TPBGL: variants seen among roughly 807,000 people sequenced by gnomAD.
The protein encoded by TPBGL is trophoblast glycoprotein-like.
For missense variants in TPBGL, 685 were observed against 609.4 expected, an observed-to-expected ratio of 1.12 and a Z score of -1.31; for synonymous variants, 380 against 314.8, an observed-to-expected ratio of 1.21 and a Z score of -2.19.
At position 75,242,130 on chromosome 11, in the gene TPBGL, C is replaced by G; in HGVS notation, c.1081C>G (p.Pro361Ala). The G allele has an allele frequency of 8.1e-7, 1 of 1,237,850 alleles. No homozygotes were observed. Among genetic ancestry groups the G allele is most frequent in the South Asian group, 3.2e-5 (1 of 31,256 alleles). The allele number at this position is 1,237,850 out of a possible 1,614,324, so 76.7% of individuals were successfully genotyped here. A position where few individuals can be genotyped will look rare whatever the true frequency, so the allele number is the denominator to read the frequency against. ...CTACCGCTACGAGCAGGACGCCGAC[C>G]CGCGCCGCGCGCCCGCGCCCGCCGC... ...YHYRYEQDADPRRAPAPAAPA... is the reference protein window; with the variant it reads ...YHYRYEQDADARRAPAPAAPA... The change falls in exon 1 of 1, where the codon CCG (proline) becomes GCG (alanine). Residue 361 changes from proline to alanine, a missense_variant. Pro to Ala is a conservative substitution (Grantham distance 27, BLOSUM62 -1). Transcript: ENST00000562197.
Position 75,243,168 on chromosome 11 carries a change from A to G in TPBGL, c.*970A>G, listed in dbSNP as rs904649035. 2 of 152,310 alleles carry G rather than the reference A, an allele frequency of 1.3e-5. No homozygotes were observed. Among genetic ancestry groups the G allele is most frequent in the Non-Finnish European group, 2.9e-5 (2 of 68,126 alleles). The allele number at this position is 152,310 out of a possible 1,614,324, so 9.4% of individuals were successfully genotyped here. Reference sequence around the variant, plus strand: ...GTCCTGCCGGATAGGTGCAGGTGCCATGCACCCCTAGTGCATACTGGCAGA... The same window carrying G: ...GTCCTGCCGGATAGGTGCAGGTGCCGTGCACCCCTAGTGCATACTGGCAGA... On this transcript the variant is annotated 3_prime_UTR_variant, in exon 1 of 1. Transcript: ENST00000562197.
In TPBGL at chr11:75,242,332, G is replaced by A. The variant is rs1945608437; in HGVS notation, c.*134G>A. The A allele has an allele frequency of 2.0e-6, 2 of 1,013,122 alleles. No individual in the cohort carries two copies. Among genetic ancestry groups the A allele is most frequent in the East Asian group, 1.8e-4 (2 of 10,886 alleles). The allele number at this position is 1,013,122 out of a possible 1,614,324, so 62.8% of individuals were successfully genotyped here. A position where few individuals can be genotyped will look rare whatever the true frequency, so the allele number is the denominator to read the frequency against. On this transcript the variant is annotated 3_prime_UTR_variant, in exon 1 of 1. Coordinates refer to ENST00000562197, the MANE Select transcript of TPBGL (RefSeq NM_001195528.2). ...CGTACCCTCTCGTTCCCGCCTCCGA[G>A]AGCTCCCACCGTCAAAGACCCAGAG...
chr11:75,241,820 C>G lies in TPBGL; in HGVS notation c.771C>G (p.Pro257=). Residue 257 remains proline (P), a synonymous_variant, in exon 1 of 1, where the codon CCC becomes CCG. Coordinates refer to ENST00000562197, the MANE Select transcript of TPBGL (RefSeq NM_001195528.2). ...TGCGCAACGCCACGGAGCGCGTGCC[C>G]GACTCGCGGCGCCTGCGCTGCGCCG... The part of the protein sequence containing the change: ...AWLRNATERV[P]DSRRLRCAAP... 1 of 1,287,418 alleles carries G rather than the reference C, an allele frequency of 7.8e-7. No homozygotes were observed. Among genetic ancestry groups the G allele is most frequent in the South Asian group, 2.3e-5 (1 of 44,012 alleles). 79.7% of individuals were successfully genotyped at this position (1,287,418 alleles called of 1,614,324 possible).
Position 75,243,444 on chromosome 11 carries a change from C to CT in TPBGL, c.*1247dup, listed in dbSNP as rs1469660556. ...CCTCCTGCCTCAGGCACAAGCCCTCCTGGTTCAGGGTCAGAAGCTCAGCAC... is the reference window on the plus strand; with the variant it reads ...CCTCCTGCCTCAGGCACAAGCCCTCCTTGGTTCAGGGTCAGAAGCTCAGCAC... On this transcript the variant is annotated 3_prime_UTR_variant, in exon 1 of 1. Coordinates refer to ENST00000562197, the MANE Select transcript of TPBGL (RefSeq NM_001195528.2). 6.6e-6 allele frequency: 1 copy of CT among 152,338 alleles called. No homozygotes were observed. Among genetic ancestry groups the CT allele is most frequent in the Non-Finnish European group, 1.5e-5 (1 of 68,114 alleles). The allele number at this position is 152,338 out of a possible 1,614,324, so 9.4% of individuals were successfully genotyped here. A position where few individuals can be genotyped will look rare whatever the true frequency, so the allele number is the denominator to read the frequency against.
chr11:75,242,071 G>A lies in TPBGL; in HGVS notation c.1022G>A (p.Arg341His). The change falls in exon 1 of 1, where the codon CGC (arginine) becomes CAC (histidine). Residue 341 changes from arginine (R) to histidine (H), a missense_variant. Transcript: ENST00000562197. ...ATCCAGCGCTGGATGCGCAACCTGC[G>A]CGAGGCGTGCCGGGACCAGATGGAG... ...RGIQRWMRNL[R>H]EACRDQMEGY... is the part of the protein sequence containing the mutation. 4.9e-6 allele frequency: 7 copies of A among 1,442,846 alleles called. No homozygotes were observed. The highest frequency in any genetic ancestry group is 6.4e-6 in the Non-Finnish European group (7 of 1,095,140). The allele number at this position is 1,442,846 out of a possible 1,614,324, so 89.4% of individuals were successfully genotyped here.
chr11:75,241,513 GCGGCGGCCC>G lies in TPBGL; in HGVS notation c.467_475del (p.Gly156_Pro158del), dbSNP rs1304006673. 3.3e-6 allele frequency: 4 copies of G among 1,214,212 alleles called. No homozygotes were observed. Among genetic ancestry groups the G allele is most frequent in the Non-Finnish European group, 4.1e-6 (4 of 978,934 alleles). 75.2% of individuals were successfully genotyped at this position (1,214,212 alleles called of 1,614,324 possible). On this transcript the variant is annotated inframe_deletion, in exon 1 of 1. Transcript: ENST00000562197. ...CTGCAGCTCAACCACGCGCTGGTGC[GCGGCGGCCC>G]CGCGCTGCTGGCCGCGCTGGACGCT...
Position 75,241,370 on chromosome 11 carries a change from G to A in TPBGL, c.321G>A (p.Glu107=). The A allele has an allele frequency of 1.5e-6, 2 of 1,376,150 alleles. No individual in the cohort carries two copies. The highest frequency in any genetic ancestry group is 1.9e-6 in the Non-Finnish European group (2 of 1,065,946). The allele number at this position is 1,376,150 out of a possible 1,614,324, so 85.2% of individuals were successfully genotyped here. Residue 107 remains glutamate (E), a synonymous_variant, in exon 1 of 1, where the codon GAG becomes GAA. Transcript: ENST00000562197. ...TGCGCCTCACGCACAACCACATCGA[G>A]GTGGTGGAGGACGGCGCCTTCGACG... ...SALRLTHNHI[E]VVEDGAFDGL...
In TPBGL at chr11:75,241,990, TG is replaced by T; in HGVS notation, c.942del (p.Leu315TrpfsTer14). 1 of 1,500,660 alleles carries T rather than the reference TG, an allele frequency of 6.7e-7. No homozygotes were observed. Among genetic ancestry groups the T allele is most frequent in the South Asian group, 1.2e-5 (1 of 81,506 alleles). 93.0% of individuals were successfully genotyped at this position (1,500,660 alleles called of 1,614,324 possible). A position where few individuals can be genotyped will look rare whatever the true frequency, so the allele number is the denominator to read the frequency against. ...LEASYVFFGL[V>X]LALIGLIFLM... is the part of the protein sequence containing the mutation. ...GCCTCCTACGTGTTCTTCGGGCTGG[TG>T]CTGGCACTCATCGGCCTCATCTTCC... On this transcript the variant is annotated frameshift_variant, in exon 1 of 1. Transcript: ENST00000562197. LOFTEE classifies it low-confidence loss of function (END_TRUNC).
In TPBGL at chr11:75,241,435, C is replaced by T; in HGVS notation, c.386C>T (p.Pro129Leu). 1.5e-6 allele frequency: 2 copies of T among 1,300,872 alleles called. No individual in the cohort carries two copies. Among genetic ancestry groups the T allele is most frequent in the South Asian group, 4.2e-5 (2 of 47,760 alleles). The allele number at this position is 1,300,872 out of a possible 1,614,324, so 80.6% of individuals were successfully genotyped here. The change falls in exon 1 of 1, where the codon CCG becomes CTG. Residue 129 changes from proline (P) to leucine (L), a missense_variant. Physicochemically the swap from Pro to Leu is moderately conservative, Grantham distance 98 (BLOSUM62 -3). Transcript: ENST00000562197. ...GCGGCGCTCGACCTCAGCCACAACC[C>T]GCTGCGCGCCCTGGGCGGCGGCGCC... ...SLAALDLSHN[P>L]LRALGGGAFR...
At position 75,243,342 on chromosome 11, in the gene TPBGL, C is replaced by G. The variant is rs1308500443; in HGVS notation, c.*1144C>G. ...TCTCTCCCACCCCTGTGGCTCTTCG[C>G]CCTTGGGGATTCCTTGCCACCACCG... On this transcript the variant is annotated 3_prime_UTR_variant, in exon 1 of 1. Coordinates refer to ENST00000562197, the MANE Select transcript of TPBGL (RefSeq NM_001195528.2). 3.3e-5 allele frequency: 5 copies of G among 152,350 alleles called. No individual in the cohort carries two copies. Among genetic ancestry groups the G allele is most frequent in the African/African-American group, 1.2e-4 (5 of 41,414 alleles). 9.4% of individuals were successfully genotyped at this position (152,350 alleles called of 1,614,324 possible).
In TPBGL at chr11:75,242,936, C is replaced by T. The variant is rs1483355511; in HGVS notation, c.*738C>T. Reference sequence around the variant, plus strand: ...CCACCAGGGCGCTGACCTCCCGATACTCAGTGCTGGTCCCCAGTCTCAGAC... The same window carrying T: ...CCACCAGGGCGCTGACCTCCCGATATTCAGTGCTGGTCCCCAGTCTCAGAC... On this transcript the variant is annotated 3_prime_UTR_variant, in exon 1 of 1. Coordinates refer to ENST00000562197, the MANE Select transcript of TPBGL (RefSeq NM_001195528.2). 1 of 152,512 alleles carries T rather than the reference C, an allele frequency of 6.6e-6. No homozygotes were observed. Among genetic ancestry groups the T allele is most frequent in the Non-Finnish European group, 1.5e-5 (1 of 68,344 alleles). The allele number at this position is 152,512 out of a possible 1,614,324, so 9.4% of individuals were successfully genotyped here.
Position 75,241,502 on chromosome 11 carries a change from C to G in TPBGL, c.453C>G (p.His151Gln). 1 of 1,222,476 alleles carries G rather than the reference C, an allele frequency of 8.2e-7. No homozygotes were observed. The highest frequency in any genetic ancestry group is 1.0e-6 in the Non-Finnish European group (1 of 983,674). 75.7% of individuals were successfully genotyped at this position (1,222,476 alleles called of 1,614,324 possible). The change falls in exon 1 of 1, where the codon CAC becomes CAG. Residue 151 changes from histidine to glutamine, a missense_variant. By Grantham distance (24) the His-to-Gln change is conservative. Coordinates refer to ENST00000562197, the MANE Select transcript of TPBGL (RefSeq NM_001195528.2). ...CGCTGCGCTCGCTGCAGCTCAACCACGCGCTGGTGCGCGGCGGCCCCGCGC... is the reference window on the plus strand; with the variant it reads ...CGCTGCGCTCGCTGCAGCTCAACCAGGCGCTGGTGCGCGGCGGCCCCGCGC... ...LPALRSLQLN[H>Q]ALVRGGPALL...
At position 75,241,588 on chromosome 11, in the gene TPBGL, C is replaced by T. The variant is rs1945599273; in HGVS notation, c.539C>T (p.Ala180Val). The change falls in exon 1 of 1, where the codon GCG (alanine) becomes GTG (valine). Residue 180 changes from alanine (A) to valine (V), a missense_variant. Ala to Val is a moderately conservative substitution (Grantham distance 64, BLOSUM62 0). Coordinates refer to ENST00000562197, the MANE Select transcript of TPBGL (RefSeq NM_001195528.2). ...PLAELRLLGLAGNALSRLPPA... is the reference protein window; with the variant it reads ...PLAELRLLGLVGNALSRLPPA... The stretch of plus-strand genomic sequence containing the variant: ...GCCGAGCTTCGCCTGCTGGGCCTAG[C>T]GGGCAACGCGCTGAGCCGTCTGCCG... The T allele has an allele frequency of 2.3e-6, 3 of 1,320,190 alleles. No individual in the cohort carries two copies. Among genetic ancestry groups the T allele is most frequent in the South Asian group, 1.6e-5 (1 of 64,178 alleles). 81.8% of individuals were successfully genotyped at this position (1,320,190 alleles called of 1,614,324 possible). A position where few individuals can be genotyped will look rare whatever the true frequency, so the allele number is the denominator to read the frequency against.
At position 75,241,380 on chromosome 11, in the gene TPBGL, G is replaced by A. The variant is rs899071454; in HGVS notation, c.331G>A (p.Asp111Asn). 14 of 1,373,964 alleles carry A rather than the reference G, an allele frequency of 1.0e-5. No homozygotes were observed. Among genetic ancestry groups the A allele is most frequent in the Non-Finnish European group, 1.0e-5 (11 of 1,064,486 alleles). 85.1% of individuals were successfully genotyped at this position (1,373,964 alleles called of 1,614,324 possible). ...LTHNHIEVVEDGAFDGLPSLA... is the reference protein window; with the variant it reads ...LTHNHIEVVENGAFDGLPSLA... ...GCACAACCACATCGAGGTGGTGGAGGACGGCGCCTTCGACGGGCTGCCCAG... is the reference window on the plus strand; with the variant it reads ...GCACAACCACATCGAGGTGGTGGAGAACGGCGCCTTCGACGGGCTGCCCAG... Residue 111 changes from aspartate (D) to asparagine (N), a missense_variant, in exon 1 of 1, where the codon GAC becomes AAC. By Grantham distance (23) the Asp-to-Asn change is conservative (BLOSUM62 1). Transcript: ENST00000562197.
rs555128068 is a variant in TPBGL at position 75,242,233 on chromosome 11, G to A, written c.*35G>A. On this transcript the variant is annotated 3_prime_UTR_variant, in exon 1 of 1. Coordinates refer to ENST00000562197, the MANE Select transcript of TPBGL (RefSeq NM_001195528.2). ...CCGGGCTCGGGGCTTCCCTTGCCTG[G>A]CCCGAAGCCGTGGAGATGAGACACC... is the stretch of plus-strand genomic sequence containing the variant. 3 of 1,084,830 alleles carry A rather than the reference G, an allele frequency of 2.8e-6. No homozygotes were observed. The African/African-American group carries it at 5.0e-5, about 18-fold the overall frequency. The allele number at this position is 1,084,830 out of a possible 1,614,324, so 67.2% of individuals were successfully genotyped here.
At position 75,241,074 on chromosome 11, in the gene TPBGL, G is replaced by A; in HGVS notation, c.25G>A (p.Gly9Arg). The A allele has an allele frequency of 7.7e-7, 1 of 1,296,582 alleles. No individual in the cohort carries two copies. The highest frequency in any genetic ancestry group is 9.8e-7 in the Non-Finnish European group (1 of 1,024,736). The allele number at this position is 1,296,582 out of a possible 1,614,324, so 80.3% of individuals were successfully genotyped here. A position where few individuals can be genotyped will look rare whatever the true frequency, so the allele number is the denominator to read the frequency against. The change falls in exon 1 of 1, where the codon GGG becomes AGG. Residue 9 changes from glycine (G) to arginine (R), a missense_variant. Physicochemically the swap from Gly to Arg is moderately radical, Grantham distance 125. Coordinates refer to ENST00000562197, the MANE Select transcript of TPBGL (RefSeq NM_001195528.2). ...GATGGCCCCGCGCGCGGGACAGCCGGGGCTCCAGGGGCTGCTGCTCGTGGC... is the reference window on the plus strand; with the variant it reads ...GATGGCCCCGCGCGCGGGACAGCCGAGGCTCCAGGGGCTGCTGCTCGTGGC... MAPRAGQPGLQGLLLVAAA... is the reference protein window; with the variant it reads MAPRAGQPRLQGLLLVAAA...
In TPBGL at chr11:75,241,156, G is replaced by A; in HGVS notation, c.107G>A (p.Gly36Asp). 2.1e-6 allele frequency: 3 copies of A among 1,451,124 alleles called. No individual in the cohort carries two copies. Among genetic ancestry groups the A allele is most frequent in the Non-Finnish European group, 1.8e-6 (2 of 1,104,182 alleles). 89.9% of individuals were successfully genotyped at this position (1,451,124 alleles called of 1,614,324 possible). ...PCPFQCYCFG[G>D]PKLLLRCASG... ...CCCTTCCAGTGCTACTGCTTCGGCG[G>A]CCCCAAGCTGCTGCTGCGCTGCGCG... Residue 36 changes from glycine (G) to aspartate (D), a missense_variant, in exon 1 of 1, where the codon GGC (glycine) becomes GAC (aspartate). Coordinates refer to ENST00000562197, the MANE Select transcript of TPBGL (RefSeq NM_001195528.2).
In TPBGL at chr11:75,241,880, C is replaced by A. The variant is rs970998264; in HGVS notation, c.831C>A (p.Asp277Glu). Residue 277 changes from aspartate to glutamate, a missense_variant, in exon 1 of 1, where the codon GAC (aspartate) becomes GAA (glutamate). Physicochemically the swap from Asp to Glu is conservative, Grantham distance 45 (BLOSUM62 2). Coordinates refer to ENST00000562197, the MANE Select transcript of TPBGL (RefSeq NM_001195528.2). ...PRALLDRPLL[D>E]LDGARLRCAD... is the part of the protein sequence containing the mutation. ...CGCTGCTAGACCGGCCGCTACTGGA[C>A]CTGGACGGGGCGCGGCTTCGCTGCG... The A allele has an allele frequency of 6.9e-7, 1 of 1,452,706 alleles. No homozygotes were observed. Among genetic ancestry groups the A allele is most frequent in the Non-Finnish European group, 9.1e-7 (1 of 1,104,004 alleles). The allele number at this position is 1,452,706 out of a possible 1,614,324, so 90.0% of individuals were successfully genotyped here.
chr11:75,242,325 C>T lies in TPBGL; in HGVS notation c.*127C>T. On this transcript the variant is annotated 3_prime_UTR_variant, in exon 1 of 1. Transcript: ENST00000562197. ...GCTAAGCCGTACCCTCTCGTTCCCG[C>T]CTCCGAGAGCTCCCACCGTCAAAGA... 2.0e-6 allele frequency: 2 copies of T among 1,012,470 alleles called. No individual in the cohort carries two copies. The highest frequency in any genetic ancestry group is 2.4e-6 in the Non-Finnish European group (2 of 842,984). 62.7% of individuals were successfully genotyped at this position (1,012,470 alleles called of 1,614,324 possible).
Sources: gnomAD v4.1 joint callset for allele counts on GRCh38, gnomAD v4.1.1 for gene constraint, MANE v1.5 for transcripts, NCBI Gene and HGNC (gene_info 2026-07-23, HGNC 2026-07-21) for gene names.